SLIT3: variants seen among roughly 807,000 people sequenced by gnomAD.
SLIT3 encodes the protein slit guidance ligand 3, also known as slit homolog 3 protein.
In SLIT3, 68 loss-of-function variants were observed where a neutral mutation model predicts 184.0. The observed-to-expected ratio is 0.37, with a 90% CI of 0.30 to 0.45. SLIT3 has a LOEUF of 0.45. Ranked by LOEUF, SLIT3 falls within the 20% of genes least tolerant of loss-of-function variation. The pLI, the probability that SLIT3 is intolerant of heterozygous loss-of-function variation, is 1.00. For synonymous variants in SLIT3, 831 were observed against 828.6 expected (o/e 1.00, Z -0.05); for missense variants, 1,707 against 2,026.0 (o/e 0.84, Z 3.02).
intron 4 of SLIT3, among the ~76,000 whole-genome samples, chr5:168,892,997 C>A (rs1343368656): frequency 6.6e-6 from 1 of 152,194 alleles, no homozygotes; most frequent in Non-Finnish European, 1.5e-5. Context: ...GGGTTCCAAC[C>A]ACAGGCGTCT....
At chr5:169,179,600 G>A (rs1002817266) in intron 4 of SLIT3, among the ~76,000 whole-genome samples, 2 of 151,810 alleles carry the variant, frequency 1.3e-5, no homozygotes, top group Non-Finnish European at 2.9e-5. Flanking sequence ...TCTTTGGTGG[G>A]AGACCCACTG....
intron 32 of SLIT3, among the ~76,000 whole-genome samples, chr5:168,680,026 A>G (rs1315929399): frequency 6.6e-6 from 1 of 152,210 alleles, no homozygotes; most frequent in Non-Finnish European, 1.5e-5. Flanking sequence ...AAACTTAGAT[A>G]TCTCACATAG....
intron 35 of SLIT3, among the ~76,000 whole-genome samples, chr5:168,669,530 T>TA (rs1016051644): frequency 1.3e-5 from 2 of 152,086 alleles, no homozygotes; most frequent in Admixed American, 6.5e-5. Flanking sequence ...CAATGTAGGC[T>TA]AAAAAAAATG....
At chr5:168,831,908 C>A (rs1408297456) in intron 6 of SLIT3, among the ~76,000 whole-genome samples, 1 of 152,144 alleles carries the variant, frequency 6.6e-6, no homozygotes, top group African/African-American at 2.4e-5. Context: ...AAAAACAATA[C>A]CTCCGAAAAA....
At position 169,300,514 on chromosome 5, in the gene SLIT3, G is replaced by A; in HGVS notation, c.196C>T (p.Leu66Phe). The part of the protein sequence containing the change: ...PRGIPRNAER[L>F]DLDRNNITRI... ...GTGGGGTGGGGCAGGGGTACTCACA[G>A]GCGCTCAGCGTTGCGGGGGATGCCC... Residue 66 changes from leucine to phenylalanine, a missense_variant and splice_region_variant, in exon 1 of 36, where the codon CTT becomes TTT. Around this residue, in one of 3 missense-constraint regions of SLIT3, gnomAD observed 1,307 missense variants for 1,511.6 expected, o/e 0.86. Transcript: ENST00000519560. This position sits in a 1 kb window ranked among gnomAD's most constrained non-coding sequence, Gnocchi z 4.1. 1 of 1,502,036 alleles carries A rather than the reference G, an allele frequency of 6.7e-7. No individual in the cohort carries two copies. The highest frequency in any genetic ancestry group is 8.9e-7 in the Non-Finnish European group (1 of 1,128,396). The allele number at this position is 1,502,036 out of a possible 1,614,324, so 93.0% of individuals were successfully genotyped here. A position where few individuals can be genotyped will look rare whatever the true frequency, so the allele number is the denominator to read the frequency against.
At chr5:169,267,943 A>G (rs540415861) in intron 1 of SLIT3, among the ~76,000 whole-genome samples, 2 of 152,324 alleles carry the variant, frequency 1.3e-5, no homozygotes, top group African/African-American at 4.8e-5. Context: ...ATTAACTTTT[A>G]ACATAGGTGC....
At chr5:169,205,673 T>A (rs1202877324) in intron 3 of SLIT3, among the ~76,000 whole-genome samples, 2 of 152,228 alleles carry the variant, frequency 1.3e-5, no homozygotes, top group African/African-American at 2.4e-5. Context: ...GAGGAACAGA[T>A]GAGCCAAAGG....
chr5:168,708,467 TC>T (rs1056396671), intron 25 of SLIT3: 2 of 290,182 alleles, frequency 6.9e-6, no homozygotes, highest in African/African-American at 2.2e-5. Context: ...CATTCGGACC[TC>T]CCATTTTTCT....
Position 168,749,511 on chromosome 5 carries a change from G to A in SLIT3, c.2098C>T (p.Pro700Ser). Residue 700 changes from proline to serine, a missense_variant, in exon 19 of 36, where the codon CCC (proline) becomes TCC (serine). Transcript: ENST00000519560. Reference sequence around the variant, plus strand: ...TCCTGGATGGCCACATCCTGGATGGGAATCTCCTTGAGGAAAAATGGCTTC... The same window carrying A: ...TCCTGGATGGCCACATCCTGGATGGAAATCTCCTTGAGGAAAAATGGCTTC... ...CQKPFFLKEI[P>S]IQDVAIQDFT... 6.2e-7 allele frequency: 1 copy of A among 1,614,146 alleles called. No individual in the cohort carries two copies. The highest frequency in any genetic ancestry group is 8.5e-7 in the Non-Finnish European group (1 of 1,180,004).
chr5:168,666,324 A>AATATTCTCTTCTTCTTTAC lies in SLIT3; in HGVS notation c.*111_*129dup. On this transcript the variant is annotated 3_prime_UTR_variant, in exon 36 of 36. Coordinates refer to ENST00000519560, the MANE Select transcript of SLIT3 (RefSeq NM_003062.4). ...TTTTTGTTTATTTTACAATATACTT[A>AATATTCTCTTCTTCTTTAC]ATATTCTCTTCTTCTTTACCTTCCT... 1.2e-6 allele frequency: 1 copy of AATATTCTCTTCTTCTTTAC among 827,666 alleles called. No individual in the cohort carries two copies. Among genetic ancestry groups the AATATTCTCTTCTTCTTTAC allele is most frequent in the Non-Finnish European group, 1.8e-6 (1 of 568,536 alleles). The allele number at this position is 827,666 out of a possible 1,614,324, so 51.3% of individuals were successfully genotyped here.
chr5:168,820,813 C>A (rs1415905663), intron 7 of SLIT3, among the ~76,000 whole-genome samples: 2 of 152,184 alleles, frequency 1.3e-5, no homozygotes, highest in Non-Finnish European at 2.9e-5. Context: ...AAATTTCCAG[C>A]AAATCCTTTT....
chr5:169,216,418 G>A (rs1401618030), intron 3 of SLIT3, among the ~76,000 whole-genome samples: 3 of 152,134 alleles, frequency 2.0e-5, no homozygotes, highest in African/African-American at 4.8e-5. Flanking sequence ...CACCTGACAC[G>A]TTTCAAAGAT....
At position 168,687,065 on chromosome 5, in the gene SLIT3, A is replaced by G; in HGVS notation, c.3228T>C (p.Asp1076=). ...GGCGGCACTTGTGGGCCACACAGTC[A>G]TCATTGTCTGTCTCACAGAGCTTCC... is the stretch of plus-strand genomic sequence containing the variant. ...YSGKLCETDN[D]DCVAHKCRHG... Residue 1076 remains aspartate, a synonymous_variant, in exon 30 of 36, where the codon GAT becomes GAC. Transcript: ENST00000519560. The G allele has an allele frequency of 6.2e-7, 1 of 1,614,274 alleles. No homozygotes were observed. Among genetic ancestry groups the G allele is most frequent in the Non-Finnish European group, 8.5e-7 (1 of 1,180,046 alleles).
At chr5:169,067,884 C>T (rs114892446) in intron 4 of SLIT3, among the ~76,000 whole-genome samples, 5,121 of 152,288 alleles carry the variant, frequency 0.034, 319 homozygotes, top group East Asian at 0.23. Flanking sequence ...CGGCTGCTAA[C>T]GCTCAGGGCA....
chr5:169,010,763 C>G (rs1010618444), intron 4 of SLIT3, among the ~76,000 whole-genome samples: 2 of 151,900 alleles, frequency 1.3e-5, no homozygotes, highest in Admixed American at 1.3e-4. Context: ...ATTAGCCAGG[C>G]GTGGCGGCAT....
intron 4 of SLIT3, among the ~76,000 whole-genome samples, chr5:169,000,645 T>C (rs1294043356): frequency 6.6e-6 from 1 of 152,138 alleles, no homozygotes; most frequent in African/African-American, 2.4e-5. Context: ...AATAATATGA[T>C]ACAGAGTTGA....
At chr5:168,930,197 C>T (rs1471169871) in intron 4 of SLIT3, among the ~76,000 whole-genome samples, 1 of 152,138 alleles carries the variant, frequency 6.6e-6, no homozygotes, top group Non-Finnish European at 1.5e-5. Context: ...GATTCTTATC[C>T]CTCCTACCTT....
intron 23 of SLIT3, among the ~76,000 whole-genome samples, chr5:168,719,515 T>C (rs1274569442): frequency 6.6e-6 from 1 of 152,260 alleles, no homozygotes; most frequent in Non-Finnish European, 1.5e-5. Context: ...TATTTCTCCA[T>C]GTAACGCTAT....
At chr5:169,194,943 G>C (rs1763691565) in intron 3 of SLIT3, among the ~76,000 whole-genome samples, 1 of 152,146 alleles carries the variant, frequency 6.6e-6, no homozygotes, top group Admixed American at 6.5e-5. Context: ...GCCCTAGTGA[G>C]TTGACACAGC....
Sources: gnomAD v4.1 joint callset for allele counts (sites outside exome capture counted in the v4.1 genomes callset) on GRCh38, gnomAD v4.1.1 for gene constraint, gnomAD v4.1.1 regional missense constraint, Gnocchi (gnomAD v3.1) non-coding constraint, MANE v1.5 for transcripts, NCBI Gene and HGNC (gene_info 2026-07-23, HGNC 2026-07-21) for gene names.